Variants in CEP170 observed in about 807,000 individuals in gnomAD.
The protein encoded by CEP170 is centrosomal protein of 170 kDa.
CEP170 carries 21 observed loss-of-function variants against 151.9 expected under a neutral mutation model. That is an observed-to-expected ratio of 0.14 (90% CI 0.10 to 0.20). The LOEUF is 0.20. Among genes scored for constraint, CEP170 ranks in the 10% least tolerant of loss-of-function variants. The pLI is 1.00. For missense variants in CEP170, 964 were observed against 1,892.9 expected, an observed-to-expected ratio of 0.51 and a Z score of 9.11; for synonymous variants, 356 against 648.8, an observed-to-expected ratio of 0.55 and a Z score of 6.86.
At chr1:243,232,129 C>G (rs530948791) in intron 1 of CEP170, among the ~76,000 whole-genome samples, 8 of 152,016 alleles carry the variant, frequency 5.3e-5, no homozygotes, top group Non-Finnish European at 1.2e-4. Context: ...CCACACCTGA[C>G]TAATTTTTGT....
At chr1:243,225,355 G>T (rs2063142890) in intron 1 of CEP170, 34 bp from the exon 2 acceptor site, 3 of 866,502 alleles carry the variant, frequency 3.5e-6, no homozygotes, top group Non-Finnish European at 3.4e-6. Context: ...TATACGTTCA[G>T]ATATTTTTAG....
chr1:243,180,512 C>T (rs2059553740), intron 10 of CEP170, among the ~76,000 whole-genome samples: 1 of 152,216 alleles, frequency 6.6e-6, no homozygotes, highest in African/African-American at 2.4e-5. Flanking sequence ...TGCTGACTGT[C>T]GTCAAAGTCT....
intron 1 of CEP170, chr1:243,254,211 TAAATAAATA>T (rs2066283806): frequency 6.6e-6 from 1 of 151,872 alleles, no homozygotes; most frequent in Non-Finnish European, 1.5e-5. Flanking sequence ...AATAAATAAA[TAAATAAATA>T]AAACTCTACG....
chr1:243,166,174 A>C, intron 12 of CEP170, 58 bp from the exon 13 acceptor site: 1 of 1,566,618 alleles, frequency 6.4e-7, no homozygotes, highest in Non-Finnish European at 8.7e-7. Flanking sequence ...TAAAAATAAA[A>C]GGAGCATCAT....
chr1:243,254,518 G>A (rs1012071916), intron 1 of CEP170: 1 of 135,124 alleles, frequency 7.4e-6, no homozygotes, highest in African/African-American at 2.6e-5. Flanking sequence ...TTGCTCGCCT[G>A]ACCTCGCCAA....
intron 1 of CEP170, among the ~76,000 whole-genome samples, chr1:243,228,187 A>G (rs972460781): frequency 6.6e-6 from 1 of 152,242 alleles, no homozygotes; most frequent in Non-Finnish European, 1.5e-5. Context: ...AAAATCCTGT[A>G]AAATGCAGAA....
chr1:243,130,896 A>G (rs1026652787), intron 17 of CEP170, among the ~76,000 whole-genome samples: 2 of 151,742 alleles, frequency 1.3e-5, no homozygotes, highest in Non-Finnish European at 2.9e-5. Flanking sequence ...ATCTTTTCTA[A>G]ATTATTATGT....
intron 1 of CEP170, among the ~76,000 whole-genome samples, chr1:243,226,028 T>A (rs1226804923): frequency 7.9e-6 from 1 of 126,214 alleles, no homozygotes; most frequent in Middle Eastern, 5.7e-3. Context: ...TACACACGTA[T>A]ATATATCTAT....
chr1:243,179,188 A>C (rs1268023331), intron 10 of CEP170, among the ~76,000 whole-genome samples: 1 of 152,026 alleles, frequency 6.6e-6, no homozygotes, highest in Non-Finnish European at 1.5e-5. Flanking sequence ...TCTTTCTTTC[A>C]TATCTTCAAA....
chr1:243,250,730 A>G (rs1572698843), intron 1 of CEP170, among the ~76,000 whole-genome samples: 1 of 152,250 alleles, frequency 6.6e-6, no homozygotes, highest in East Asian at 1.9e-4. Context: ...ACCTTGAATT[A>G]CATAAATATA....
intron 14 of CEP170, among the ~76,000 whole-genome samples, chr1:243,151,106 C>T (rs558943291): frequency 4.6e-5 from 7 of 152,360 alleles, no homozygotes; most frequent in Admixed American, 6.5e-5. Flanking sequence ...TTACTCTTTA[C>T]GAATGACTAC....
rs1435319128 is a variant in CEP170, at chr1:243,165,869, G to A, written c.2091C>T (p.Pro697=). 6.2e-7 allele frequency: 1 copy of A among 1,613,892 alleles called. No homozygotes were observed. Among genetic ancestry groups the A allele is most frequent in the African/African-American group, 1.3e-5 (1 of 75,042 alleles). The change falls in exon 13 of 20, where the codon CCC becomes CCT. Residue 697 remains proline, a synonymous_variant. Transcript: ENST00000366542. ...YQKDKQDADR[P]LSKMNRAVNG... ...TTACTGCCCTGTTCATTTTACTCAA[G>A]GGTCTGTCAGCATCTTGTTTATCTT...
At position 243,200,799 on chromosome 1, in the gene CEP170, C is replaced by T. The variant is rs1474213876; in HGVS notation, c.311G>A (p.Arg104Lys). 1.2e-6 allele frequency: 2 copies of T among 1,611,270 alleles called. No homozygotes were observed. The highest frequency in any genetic ancestry group is 1.7e-6 in the Non-Finnish European group (2 of 1,178,968). Residue 104 changes from arginine (R) to lysine (K), a missense_variant, in exon 5 of 20, where the codon AGG becomes AAG. Arg to Lys is a conservative substitution (Grantham distance 26, BLOSUM62 2). Transcript: ENST00000366542. ...NLFTVVQGEMRVPEEALKHEK... is the reference protein window; with the variant it reads ...NLFTVVQGEMKVPEEALKHEK... Reference sequence around the variant, plus strand: ...TACCTTAAGAGCTTCTTCAGGGACCCTCATTTCTCCTTGTACTACAGTGAA... The same window carrying T: ...TACCTTAAGAGCTTCTTCAGGGACCTTCATTTCTCCTTGTACTACAGTGAA...
At chr1:243,237,496 C>T (rs2064357469) in intron 1 of CEP170, among the ~76,000 whole-genome samples, 2 of 152,164 alleles carry the variant, frequency 1.3e-5, no homozygotes, top group South Asian at 4.1e-4. Context: ...ATACCTCATA[C>T]TTATAGTATA....
intron 14 of CEP170, among the ~76,000 whole-genome samples, chr1:243,149,891 A>G (rs917492848): frequency 6.6e-6 from 1 of 152,100 alleles, no homozygotes; most frequent in African/African-American, 2.4e-5. Flanking sequence ...TAGTAAAATT[A>G]CAAGTAATTT....
At chr1:243,240,087 G>A (rs2064673690) in intron 1 of CEP170, among the ~76,000 whole-genome samples, 1 of 152,160 alleles carries the variant, frequency 6.6e-6, no homozygotes, top group Non-Finnish European at 1.5e-5. Context: ...GAGGAGGGTG[G>A]ATCACCTGAA....
Position 243,186,353 on chromosome 1 carries a change from C to T in CEP170, c.1178G>A (p.Arg393His), listed in dbSNP as rs200946656. 499 of 1,613,710 alleles carry T rather than the reference C, an allele frequency of 3.1e-4. No homozygotes were observed. Among genetic ancestry groups the T allele is most frequent in the Non-Finnish European group, 3.7e-4 (441 of 1,179,690 alleles). ...NAGAHRRCSK[R>H]ATLEEHLRRH... The stretch of plus-strand genomic sequence containing the variant: ...TCTTAAGTGTTCCTCAAGAGTTGCA[C>T]GTTTGCTACAGCGCCTGTGAGCCCC... The change falls in exon 9 of 20, where the codon CGT becomes CAT. Residue 393 changes from arginine (R) to histidine (H), a missense_variant. Physicochemically the swap from Arg to His is conservative, Grantham distance 29 (BLOSUM62 0). Transcript: ENST00000366542.
intron 1 of CEP170, among the ~76,000 whole-genome samples, chr1:243,232,340 T>C (rs1223108470): frequency 1.3e-5 from 2 of 152,296 alleles, no homozygotes; most frequent in East Asian, 3.9e-4. Flanking sequence ...TATCAGTCTC[T>C]ATCTTCTGTG....
intron 13 of CEP170, among the ~76,000 whole-genome samples, chr1:243,162,226 G>A (rs1436542123): frequency 6.6e-6 from 1 of 152,132 alleles, no homozygotes; most frequent in Non-Finnish European, 1.5e-5. Context: ...TCTTCTGGAA[G>A]CTTGCATACA....
Sources: allele counts gnomAD v4.1 joint callset (sites outside exome capture counted in the v4.1 genomes callset), GRCh38; gene constraint gnomAD v4.1.1; transcripts MANE v1.5; gene names NCBI Gene and HGNC (gene_info 2026-07-23, HGNC 2026-07-21).